MIGA1: variants seen among roughly 807,000 people sequenced by gnomAD.
MIGA1 encodes the protein mitoguardin 1, also known as family with sequence similarity 73, member A.
In MIGA1, 58 loss-of-function variants were observed where a neutral mutation model predicts 82.0. The ratio of observed to expected loss-of-function variants is 0.71; its 90% CI spans 0.57 to 0.88. The LOEUF (loss-of-function observed/expected upper bound fraction) is 0.88, where lower values mean the gene tolerates loss of function less well. Among genes scored for constraint, MIGA1 ranks in the 40% least tolerant of loss-of-function variants. MIGA1 has a pLI of 0.00. For missense variants in MIGA1, 751 were observed against 749.1 expected (o/e 1.00, Z -0.03); for synonymous variants, 249 against 253.6 (o/e 0.98, Z 0.17).
Position 77,875,166 on chromosome 1 carries a change from G to A in MIGA1, c.*102G>A. ...AAAGTTAACAGAATTGATGCATGTG[G>A]ATTCAGGGAGGAAAAAAAAATCTAC... On this transcript the variant is annotated 3_prime_UTR_variant, in exon 16 of 16. Transcript: ENST00000370791. 2.2e-6 allele frequency: 2 copies of A among 913,888 alleles called. No homozygotes were observed. Among genetic ancestry groups the A allele is most frequent in the East Asian group, 5.3e-5 (2 of 37,930 alleles). 56.6% of individuals were successfully genotyped at this position (913,888 alleles called of 1,614,324 possible).
At chr1:77,785,402 G>A (rs867580674) in intron 2 of MIGA1, among the ~76,000 whole-genome samples, 23 of 151,650 alleles carry the variant, frequency 1.5e-4, no homozygotes, top group Non-Finnish European at 5.9e-5. Flanking sequence ...GAAGTGCAAT[G>A]GTACAATCTT....
intron 3 of MIGA1, among the ~76,000 whole-genome samples, chr1:77,802,470 A>AAG (rs1682924160): frequency 6.6e-6 from 1 of 152,216 alleles, no homozygotes; most frequent in South Asian, 2.1e-4. Context: ...GGAACATCTT[A>AAG]ACTGCTGCAT....
intron 2 of MIGA1, among the ~76,000 whole-genome samples, chr1:77,792,632 G>C (rs1682474508): frequency 6.6e-6 from 1 of 152,116 alleles, no homozygotes; most frequent in South Asian, 2.1e-4. Context: ...GTTTTGTACT[G>C]GTATCTCACT....
At chr1:77,806,516 T>C (rs942811670) in intron 4 of MIGA1, among the ~76,000 whole-genome samples, 1 of 152,228 alleles carries the variant, frequency 6.6e-6, no homozygotes, top group Non-Finnish European at 1.5e-5. Flanking sequence ...ATAGAGGTGA[T>C]TGAAATGATT....
At chr1:77,779,998 C>A in intron 1 of MIGA1, 1 of 1,235,578 alleles carries the variant, frequency 8.1e-7, no homozygotes, top group Non-Finnish European at 1.0e-6. Context: ...GCAGGAGGGT[C>A]CCCACGCCAG....
chr1:77,863,556 GTT>G (rs1685551077), intron 12 of MIGA1, among the ~76,000 whole-genome samples: 1 of 152,174 alleles, frequency 6.6e-6, no homozygotes, highest in Admixed American at 6.5e-5. Context: ...AGAGCAAGAT[GTT>G]CATGATCTGG....
intron 1 of MIGA1, among the ~76,000 whole-genome samples, chr1:77,782,013 AG>A (rs1196287310): frequency 1.3e-5 from 2 of 151,432 alleles, no homozygotes; most frequent in Non-Finnish European, 2.9e-5. Flanking sequence ...TGGTGTAGGC[AG>A]GGTTTCACCA....
intron 14 of MIGA1, among the ~76,000 whole-genome samples, chr1:77,869,010 A>C (rs1329054909): frequency 6.6e-6 from 1 of 150,828 alleles, no homozygotes; most frequent in African/African-American, 2.4e-5. Context: ...ATAGGACAAT[A>C]GTGGAGGGAA....
At chr1:77,822,478 C>T (rs1173310181) in intron 7 of MIGA1, among the ~76,000 whole-genome samples, 1 of 152,052 alleles carries the variant, frequency 6.6e-6, no homozygotes, top group Non-Finnish European at 1.5e-5. Context: ...TATATCATAA[C>T]AAAATGTTAA....
rs1557932525 is a variant in MIGA1 at position 77,858,991 on chromosome 1, C to G, written c.1050C>G (p.His350Gln). The G allele has an allele frequency of 1.2e-6, 2 of 1,613,890 alleles. No homozygotes were observed. Among genetic ancestry groups the G allele is most frequent in the Non-Finnish European group, 1.7e-6 (2 of 1,179,904 alleles). ...CCTACAGCCTGGAGTCCCTTTGTCA[C>G]TGCCCATTTTACGAGGAAGCCATGC... Residue 350 changes from histidine (H) to glutamine (Q), a missense_variant, in exon 9 of 16, where the codon CAC (histidine) becomes CAG (glutamine). His to Gln is a conservative substitution (Grantham distance 24, BLOSUM62 0). Around this residue, in one of 3 missense-constraint regions of MIGA1, gnomAD observed 482 missense variants for 439.4 expected, o/e 1.10. Transcript: ENST00000370791.
At chr1:77,856,920 G>A (rs1027237019) in intron 8 of MIGA1, among the ~76,000 whole-genome samples, 1 of 151,830 alleles carries the variant, frequency 6.6e-6, no homozygotes, top group African/African-American at 2.4e-5. Flanking sequence ...TTCTGGGTTT[G>A]GGTTTGGTTT....
chr1:77,792,574 A>G (rs1682471857), intron 2 of MIGA1, among the ~76,000 whole-genome samples: 1 of 152,174 alleles, frequency 6.6e-6, no homozygotes, highest in Non-Finnish European at 1.5e-5. Context: ...AAGGATAAAA[A>G]AAGTTTTAAA....
chr1:77,840,416 T>C (rs1480566248), intron 7 of MIGA1, among the ~76,000 whole-genome samples: 1 of 152,214 alleles, frequency 6.6e-6, no homozygotes, highest in African/African-American at 2.4e-5. Context: ...ATGGGTAATG[T>C]CTGAGAGGTA....
At chr1:77,818,113 G>A (rs1053092751) in intron 7 of MIGA1, among the ~76,000 whole-genome samples, 2 of 150,396 alleles carry the variant, frequency 1.3e-5, no homozygotes, top group Non-Finnish European at 3.0e-5. Flanking sequence ...GTGCCACCAC[G>A]TCCTGCTAAT....
At chr1:77,863,792 T>TA (rs1006611146) in intron 12 of MIGA1, 102 bp from the exon 13 acceptor site, 58 of 801,676 alleles carry the variant, frequency 7.2e-5, no homozygotes, top group South Asian at 1.5e-4. Context: ...ATAAGCTGAT[T>TA]AAAAAAAACC....
Position 77,779,675 on chromosome 1 carries a change from C to T in MIGA1, c.20C>T (p.Ala7Val). 2.5e-6 allele frequency: 4 copies of T among 1,587,012 alleles called. No homozygotes were observed. The highest frequency in any genetic ancestry group is 3.4e-6 in the Non-Finnish European group (4 of 1,166,654). ...TTCTCCATGTCAGACTGCTGCTCAG[C>T]GCCAGGCATCAGCTGGGAAGCTGGC... Residue 7 changes from alanine (A) to valine (V), a missense_variant, in exon 1 of 16, where the codon GCG (alanine) becomes GTG (valine). By Grantham distance (64) the Ala-to-Val change is moderately conservative. Coordinates refer to ENST00000370791, the MANE Select transcript of MIGA1 (RefSeq NM_198549.4).
intron 13 of MIGA1, among the ~76,000 whole-genome samples, chr1:77,866,003 C>G (rs1411238891): frequency 6.6e-6 from 1 of 152,140 alleles, no homozygotes; most frequent in Non-Finnish European, 1.5e-5. Context: ...ACCTCCGCCT[C>G]CCGGGTTCAA....
chr1:77,875,175 AG>A lies in MIGA1; in HGVS notation c.*113del, dbSNP rs1646884911. 5 of 846,276 alleles carry A rather than the reference AG, an allele frequency of 5.9e-6. No individual in the cohort carries two copies. Among genetic ancestry groups the A allele is most frequent in the Non-Finnish European group, 7.3e-6 (4 of 544,600 alleles). 52.4% of individuals were successfully genotyped at this position (846,276 alleles called of 1,614,324 possible). Reference sequence around the variant, plus strand: ...AGAATTGATGCATGTGGATTCAGGGAGGAAAAAAAAATCTACTAAAAAATGA... The same window carrying A: ...AGAATTGATGCATGTGGATTCAGGGAGAAAAAAAAATCTACTAAAAAATGA... On this transcript the variant is annotated 3_prime_UTR_variant, in exon 16 of 16. Coordinates refer to ENST00000370791, the MANE Select transcript of MIGA1 (RefSeq NM_198549.4).
chr1:77,844,113 A>AAAATATATATAT (rs1296124524), intron 8 of MIGA1, among the ~76,000 whole-genome samples: 2 of 90,128 alleles, frequency 2.2e-5, no homozygotes, highest in South Asian at 4.4e-4. Context: ...AAAAAAAAAA[A>AAAATATATATAT]ATATATATAT....
Sources: allele counts gnomAD v4.1 joint callset (sites outside exome capture counted in the v4.1 genomes callset), GRCh38; gene constraint gnomAD v4.1.1; regional missense constraint gnomAD v4.1.1; transcripts MANE v1.5; gene names NCBI Gene and HGNC (gene_info 2026-07-23, HGNC 2026-07-21).